BCKDHB: variants seen among roughly 807,000 people sequenced by gnomAD.
BCKDHB encodes 2-oxoisovalerate dehydrogenase subunit beta, mitochondrial.
BCKDHB carries 41 observed loss-of-function variants against 48.5 expected under a neutral mutation model. The observed-to-expected ratio is 0.85, with a 90% CI of 0.66 to 1.10. The LOEUF (loss-of-function observed/expected upper bound fraction) is 1.10. Ranked by LOEUF, BCKDHB falls within the 50% of genes least tolerant of loss-of-function variation. The pLI is 0.00. For synonymous variants in BCKDHB, 201 were observed against 174.8 expected, an observed-to-expected ratio of 1.15 and a Z score of -1.18; for missense variants, 496 against 494.2, an observed-to-expected ratio of 1.00 and a Z score of -0.03.
the BCKDHB span, among the ~76,000 whole-genome samples, chr6:80,355,169 G>A: frequency 6.6e-6 from 1 of 151,972 alleles, no homozygotes; most frequent in East Asian, 1.9e-4. Flanking sequence ...CTACAATTAG[G>A]TAGGCAGATC....
At chr6:80,234,211 G>C (rs1776051251) in intron 8 of BCKDHB, among the ~76,000 whole-genome samples, 1 of 152,216 alleles carries the variant, frequency 6.6e-6, no homozygotes, top group Admixed American at 6.5e-5. Flanking sequence ...TCCATGGCCT[G>C]GGGGTTGGGG....
intron 9 of BCKDHB, among the ~76,000 whole-genome samples, chr6:80,328,137 CA>C (rs1207714619): frequency 6.6e-6 from 1 of 152,096 alleles, no homozygotes; most frequent in African/African-American, 2.4e-5. Context: ...CTCATTCTCC[CA>C]GCCTGAGAGA....
chr6:80,266,996 C>A (rs1014605105), intron 8 of BCKDHB, among the ~76,000 whole-genome samples: 7 of 151,832 alleles, frequency 4.6e-5, no homozygotes, highest in Non-Finnish European at 7.4e-5. Context: ...CACCACCCCC[C>A]GCCCATGAAA....
At chr6:80,317,153 C>G (rs1270590374) in intron 9 of BCKDHB, among the ~76,000 whole-genome samples, 1 of 152,132 alleles carries the variant, frequency 6.6e-6, no homozygotes, top group Non-Finnish European at 1.5e-5. Flanking sequence ...TCTCCTTTAC[C>G]CTTAAGGGGC....
At chr6:80,141,890 C>G (rs558384546) in intron 3 of BCKDHB, among the ~76,000 whole-genome samples, 2 of 152,050 alleles carry the variant, frequency 1.3e-5, no homozygotes, top group Non-Finnish European at 2.9e-5. Flanking sequence ...ATTAGTTTCC[C>G]AAACCTGATT....
At chr6:80,358,995 A>T in the BCKDHB span, among the ~76,000 whole-genome samples, 1 of 152,330 alleles carries the variant, frequency 6.6e-6, no homozygotes, top group South Asian at 2.1e-4. Flanking sequence ...GGGCCCCAAC[A>T]TTGTTAGTGT....
the BCKDHB span, among the ~76,000 whole-genome samples, chr6:80,444,218 G>A: frequency 7.2e-5 from 11 of 151,866 alleles, no homozygotes; most frequent in Non-Finnish European, 1.6e-4. Context: ...ATTTAAAAAC[G>A]GACTTTGACT....
At chr6:80,389,220 C>T in the BCKDHB span, among the ~76,000 whole-genome samples, 1 of 151,184 alleles carries the variant, frequency 6.6e-6, no homozygotes, top group Non-Finnish European at 1.5e-5. Context: ...CCTGTTATCA[C>T]CTAATGGGCC....
the BCKDHB span, among the ~76,000 whole-genome samples, chr6:80,398,320 A>G: frequency 6.6e-6 from 1 of 152,272 alleles, no homozygotes; most frequent in Admixed American, 6.5e-5. Flanking sequence ...TAAGAGAGAT[A>G]GACTGCTAGC....
At chr6:80,323,639 C>A (rs576805064) in intron 9 of BCKDHB, among the ~76,000 whole-genome samples, 4 of 152,294 alleles carry the variant, frequency 2.6e-5, no homozygotes, top group Non-Finnish European at 5.9e-5. Context: ...ACTTTCTCAT[C>A]CAGTATTTCT....
At chr6:80,353,775 C>T in the BCKDHB span, among the ~76,000 whole-genome samples, 4 of 152,148 alleles carry the variant, frequency 2.6e-5, no homozygotes, top group Admixed American at 1.3e-4. Flanking sequence ...ATCACTTGAA[C>T]CCGGGAGGCA....
intron 9 of BCKDHB, among the ~76,000 whole-genome samples, chr6:80,320,273 G>A (rs145808457): frequency 0.015 from 2,317 of 152,122 alleles, 17 homozygotes; most frequent in Non-Finnish European, 0.026. Context: ...TTCCACAGAC[G>A]CAACAGGTTT....
chr6:80,190,773 T>A (rs916651574), intron 6 of BCKDHB, among the ~76,000 whole-genome samples: 27 of 152,194 alleles, frequency 1.8e-4, no homozygotes, highest in Non-Finnish European at 4.4e-5. Flanking sequence ...CTGTAATTCA[T>A]GGGTTGGAAG....
the BCKDHB span, among the ~76,000 whole-genome samples, chr6:80,365,036 CAG>C: frequency 2.0e-5 from 3 of 152,152 alleles, no homozygotes; most frequent in Non-Finnish European, 4.4e-5. Context: ...GGTATAAGAA[CAG>C]GGAGTAGGTA....
At chr6:80,142,541 T>C (rs181570112) in intron 3 of BCKDHB, among the ~76,000 whole-genome samples, 2 of 152,200 alleles carry the variant, frequency 1.3e-5, no homozygotes, top group East Asian at 1.9e-4. Context: ...GACACAGGAA[T>C]GGGAATAAAA....
At chr6:80,128,991 C>G (rs1390694622) in intron 2 of BCKDHB, among the ~76,000 whole-genome samples, 170 bp from the exon 3 acceptor site, 1 of 151,884 alleles carries the variant, frequency 6.6e-6, no homozygotes, top group African/African-American at 2.4e-5. Flanking sequence ...ACAAAAGAAT[C>G]ATCTAGTCTA....
At chr6:80,228,535 G>A (rs1228972069) in intron 8 of BCKDHB, among the ~76,000 whole-genome samples, 1 of 152,176 alleles carries the variant, frequency 6.6e-6, no homozygotes, top group Non-Finnish European at 1.5e-5. Flanking sequence ...TTCCTCTCAG[G>A]TGCCTAAAAC....
chr6:80,292,186 C>T (rs993891373), intron 9 of BCKDHB, among the ~76,000 whole-genome samples: 10 of 152,154 alleles, frequency 6.6e-5, no homozygotes, highest in Admixed American at 1.3e-4. Flanking sequence ...TTTATTGGCT[C>T]TATAAGTTAA....
chr6:80,121,074 T>C (rs1250946760), intron 1 of BCKDHB, among the ~76,000 whole-genome samples: 1 of 152,254 alleles, frequency 6.6e-6, no homozygotes, highest in Non-Finnish European at 1.5e-5. Flanking sequence ...TTCAGCTTTC[T>C]ACATATGGCT....
Sources: allele counts gnomAD v4.1 joint callset (sites outside exome capture counted in the v4.1 genomes callset), GRCh38; gene constraint gnomAD v4.1.1; transcripts MANE v1.5; gene names NCBI Gene and HGNC (gene_info 2026-07-23, HGNC 2026-07-21).